Variants in PCSK2 observed in about 807,000 individuals in gnomAD.
PCSK2 encodes proprotein convertase subtilisin/kexin type 2.
Under a neutral mutation model 69.7 loss-of-function variants are expected in PCSK2, and 14 were observed. That is an observed-to-expected ratio of 0.20 (90% confidence interval 0.13 to 0.31). The LOEUF (loss-of-function observed/expected upper bound fraction) is 0.31. Ranked by LOEUF, PCSK2 falls within the 10% of genes least tolerant of loss-of-function variation. The pLI, the probability that PCSK2 is intolerant of heterozygous loss-of-function variation, is 1.00. For missense variants in PCSK2, 544 were observed against 842.5 expected (o/e 0.65, Z 4.39); for synonymous variants, 307 against 320.7 (o/e 0.96, Z 0.46).
chr20:17,435,111 G>C (rs2032456601), intron 7 of PCSK2, among the ~76,000 whole-genome samples: 1 of 152,138 alleles, frequency 6.6e-6, no homozygotes, highest in African/African-American at 2.4e-5. Flanking sequence ...GTCAAAAATG[G>C]TGATTACACT....
intron 5 of PCSK2, among the ~76,000 whole-genome samples, chr20:17,371,508 T>C (rs1785684638): frequency 6.6e-6 from 1 of 152,238 alleles, no homozygotes; most frequent in Non-Finnish European, 1.5e-5. Flanking sequence ...AGTTCTTTTT[T>C]CTTCTTTTCT....
At chr20:17,331,511 A>T (rs1990205705) in intron 2 of PCSK2, among the ~76,000 whole-genome samples, 1 of 152,196 alleles carries the variant, frequency 6.6e-6, no homozygotes, top group Non-Finnish European at 1.5e-5. Context: ...ATAATTAAAG[A>T]ATCTCAAGTT....
intron 8 of PCSK2, among the ~76,000 whole-genome samples, chr20:17,438,881 A>C (rs2032540055): frequency 6.6e-6 from 1 of 152,172 alleles, no homozygotes; most frequent in Non-Finnish European, 1.5e-5. Flanking sequence ...TTTACCCAAG[A>C]CTACATAGTT....
In PCSK2 at chr20:17,298,547, C is replaced by T. The variant is rs191509677; in HGVS notation, c.282+38203C>T. Among the ~76,000 whole-genome samples the T allele has an allele frequency of 8.3e-4, 126 of 152,240 alleles. 1 individual carries two copies. The highest frequency in any genetic ancestry group is 2.9e-3 in the African/African-American group (122 of 41,534). ...CAATAGTGTTGAGGCAGGAAAATTC[C>T]ATTTTAGAGGTTTTGTGGCTCTTAT... On this transcript the variant is annotated intron_variant, in intron 2 of 11. Transcript: ENST00000262545.
Position 17,287,431 on chromosome 20 carries a change from C to CTGTGTGTGTGTGTGTGTG in PCSK2, c.282+27103_282+27120dup, listed in dbSNP as rs67695913. On this transcript the variant is annotated intron_variant, in intron 2 of 11. Transcript: ENST00000262545. ...GGATCTTGCACCAGCATGTGCGTGT[C>CTGTGTGTGTGTGTGTGTG]TGTGTGTGTGTGTGTGTGTGTGTGT... Among the ~76,000 whole-genome samples the CTGTGTGTGTGTGTGTGTG allele has an allele frequency of 1.9e-3, 280 of 146,024 alleles. 3 individuals are homozygous for CTGTGTGTGTGTGTGTGTG. The highest frequency in any genetic ancestry group is 6.6e-3 in the East Asian group (32 of 4,832).
At chr20:17,463,301 A>G (rs1296184861) in intron 10 of PCSK2, 1 of 152,212 alleles carries the variant, frequency 6.6e-6, no homozygotes, top group Non-Finnish European at 1.5e-5. Flanking sequence ...ATTTGTCAAC[A>G]CTTCTGAGAT....
chr20:17,359,001 G>A (rs544600471), intron 3 of PCSK2, among the ~76,000 whole-genome samples: 1 of 152,208 alleles, frequency 6.6e-6, no homozygotes, highest in Non-Finnish European at 1.5e-5. Context: ...GGTGAAGTGA[G>A]CATTTTGTGG....
intron 11 of PCSK2, 103 bp downstream of exon 11, chr20:17,465,656 C>T: frequency 1.3e-6 from 1 of 761,976 alleles, no homozygotes; most frequent in Non-Finnish European, 2.1e-6. Flanking sequence ...TTTGGGTCAA[C>T]TGTATTTTTT....
At chr20:17,310,773 C>T (rs994143943) in intron 2 of PCSK2, among the ~76,000 whole-genome samples, 96 of 151,148 alleles carry the variant, frequency 6.4e-4, no homozygotes, top group Admixed American at 6.0e-3. Flanking sequence ...AGGTGGATCA[C>T]GAGGTCGGGA....
intron 2 of PCSK2, among the ~76,000 whole-genome samples, chr20:17,300,383 G>C (rs929132992): frequency 3.3e-5 from 5 of 152,274 alleles, no homozygotes; most frequent in Non-Finnish European, 5.9e-5. Context: ...GAGTGACAGG[G>C]CATAGATGGG....
chr20:17,436,360 C>T (rs1425106017), intron 7 of PCSK2, among the ~76,000 whole-genome samples: 1 of 152,186 alleles, frequency 6.6e-6, no homozygotes, highest in African/African-American at 2.4e-5. Flanking sequence ...TAAAACTTGG[C>T]TGCAGCCAAC....
At chr20:17,407,617 T>C (rs1193721785) in intron 5 of PCSK2, among the ~76,000 whole-genome samples, 1 of 152,102 alleles carries the variant, frequency 6.6e-6, no homozygotes, top group Non-Finnish European at 1.5e-5. Context: ...GGGAAGTCAG[T>C]GGGAGAAAGG....
At chr20:17,335,335 T>C (rs1426135070) in intron 2 of PCSK2, among the ~76,000 whole-genome samples, 6 of 152,060 alleles carry the variant, frequency 3.9e-5, no homozygotes, top group African/African-American at 1.4e-4. Flanking sequence ...GGCTCAGACT[T>C]CTTTACAGGC....
intron 2 of PCSK2, among the ~76,000 whole-genome samples, chr20:17,344,342 T>C (rs1990589702): frequency 6.6e-6 from 1 of 151,132 alleles, no homozygotes; most frequent in South Asian, 2.1e-4. Flanking sequence ...CATATGCCAA[T>C]TGCAATTTCA....
chr20:17,290,618 C>T (rs1298936961), intron 2 of PCSK2, among the ~76,000 whole-genome samples: 5 of 152,178 alleles, frequency 3.3e-5, no homozygotes, highest in Admixed American at 3.3e-4. Context: ...CTAGTTCTGT[C>T]TGATATTCCA....
chr20:17,379,099 C>G (rs1233794690), intron 5 of PCSK2, among the ~76,000 whole-genome samples: 1 of 152,204 alleles, frequency 6.6e-6, no homozygotes. Context: ...CACTTTGTCC[C>G]TCTCCTCATG....
chr20:17,442,568 C>G (rs941481891), intron 8 of PCSK2, among the ~76,000 whole-genome samples: 1 of 152,128 alleles, frequency 6.6e-6, no homozygotes, highest in South Asian at 2.1e-4. Context: ...CTTTTTTCTT[C>G]TAGTTCAGGA....
chr20:17,445,746 T>C (rs2032686337), intron 8 of PCSK2, among the ~76,000 whole-genome samples: 1 of 152,238 alleles, frequency 6.6e-6, no homozygotes, highest in African/African-American at 2.4e-5. Context: ...CTCTCACGAA[T>C]ACTCTGTGAG....
chr20:17,318,748 C>A (rs1359148404), intron 2 of PCSK2, among the ~76,000 whole-genome samples: 2 of 152,254 alleles, frequency 1.3e-5, no homozygotes, highest in Non-Finnish European at 2.9e-5. Flanking sequence ...CTGAAGCCTG[C>A]TTCTGCTTTC....
Sources: allele counts gnomAD v4.1 joint callset (sites outside exome capture counted in the v4.1 genomes callset), GRCh38; gene constraint gnomAD v4.1.1; transcripts MANE v1.5; gene names NCBI Gene and HGNC (gene_info 2026-07-23, HGNC 2026-07-21).